The following C3orf20 variants were observed in gnomAD, a reference collection of about 807,000 sequenced individuals.
The protein encoded by C3orf20 is family with sequence similarity 149 member C, also known as uncharacterized protein C3orf20.
In C3orf20, 76 loss-of-function variants were observed where a neutral mutation model predicts 88.3. That is an observed-to-expected ratio of 0.86 (90% CI 0.72 to 1.04). The LOEUF is 1.04. Ranked by LOEUF, C3orf20 falls within the 50% of genes least tolerant of loss-of-function variation. The pLI is 0.00. For synonymous variants in C3orf20, 436 were observed against 437.4 expected, an observed-to-expected ratio of 1.00 and a Z score of 0.04; for missense variants, 1,056 against 1,123.3, an observed-to-expected ratio of 0.94 and a Z score of 0.86.
chr3:14,720,975 G>A lies in C3orf20; in HGVS notation c.1435-678G>A, dbSNP rs17040228. Among the ~76,000 whole-genome samples the A allele has an allele frequency of 1.6e-3, 244 of 152,326 alleles. 5 individuals are homozygous for A. In the East Asian group the frequency reaches 0.042, roughly 26 times the overall value. ...TAGACCACAGAGCTCTCAGTAAGGC[G>A]TGAGTTGTTATAAGGGCAACTCACT... On this transcript the variant is annotated intron_variant, in intron 9 of 16. Coordinates refer to ENST00000253697, the MANE Select transcript of C3orf20 (RefSeq NM_032137.5).
At position 14,772,965 on chromosome 3, in the gene C3orf20, C is replaced by T. The variant is rs2125051289; in HGVS notation, c.*90C>T. 1.1e-6 allele frequency: 1 copy of T among 939,182 alleles called. No individual in the cohort carries two copies. Among genetic ancestry groups the T allele is most frequent in the East Asian group, 2.5e-5 (1 of 40,596 alleles). 58.2% of individuals were successfully genotyped at this position (939,182 alleles called of 1,614,324 possible). A position where few individuals can be genotyped will look rare whatever the true frequency, so the allele number is the denominator to read the frequency against. ...CCAGCCCTGCCTCCCCGGTCTCCCA[C>T]CCTGTCCTCCAAGCTTCTATAATAA... On this transcript the variant is annotated 3_prime_UTR_variant, in exon 17 of 17. Transcript: ENST00000253697. The surrounding 1 kb of genome is among the most constrained non-coding windows in gnomAD (Gnocchi z 4.2).
chr3:14,766,629 C>T (rs1256052553), intron 15 of C3orf20, among the ~76,000 whole-genome samples: 2 of 152,210 alleles, frequency 1.3e-5, no homozygotes, highest in Admixed American at 6.5e-5. Context: ...TGCCAGTGAG[C>T]AGAGGTGCTG....
chr3:14,677,194 G>T (rs1326933073), intron 1 of C3orf20, among the ~76,000 whole-genome samples: 1 of 152,194 alleles, frequency 6.6e-6, no homozygotes, highest in Non-Finnish European at 1.5e-5. Context: ...CAGATAACCT[G>T]AGGAGGCTTA....
intron 1 of C3orf20, among the ~76,000 whole-genome samples, chr3:14,678,628 T>A (rs6442466): frequency 6.6e-6 from 1 of 152,126 alleles, no homozygotes; most frequent in Non-Finnish European, 1.5e-5. Flanking sequence ...AAATTTCTTA[T>A]ACATTTCATT....
At chr3:14,704,639 AC>A in intron 7 of C3orf20, 21 bp downstream of exon 7, 1 of 1,607,304 alleles carries the variant, frequency 6.2e-7, no homozygotes, top group Admixed American at 1.7e-5. Context: ...ATTTGGTACC[AC>A]CCTATCTCCC....
chr3:14,697,884 G>T (rs2033078550), intron 5 of C3orf20, among the ~76,000 whole-genome samples: 1 of 152,104 alleles, frequency 6.6e-6, no homozygotes, highest in Non-Finnish European at 1.5e-5. Context: ...CAAAGGACAT[G>T]AACTCATCCT....
Position 14,744,608 on chromosome 3 carries a change from G to A in C3orf20, c.1941-12763G>A, listed in dbSNP as rs560232819. 6.3e-4 allele frequency among the ~76,000 whole-genome samples: 95 copies of A among 151,966 alleles called. 1 individual carries two copies. Among genetic ancestry groups the A allele is most frequent in the African/African-American group, 2.1e-3 (85 of 41,304 alleles). ...TCACACTGCTGATAAAAACATACTC[G>A]AAACTGGGAATGAAAAAAGGTTAAT... On this transcript the variant is annotated intron_variant, in intron 12 of 16. Transcript: ENST00000253697.
chr3:14,734,687 A>G (rs2034648743), intron 12 of C3orf20, among the ~76,000 whole-genome samples: 2 of 152,100 alleles, frequency 1.3e-5, no homozygotes, highest in Admixed American at 1.3e-4. Context: ...GCGTTTTATA[A>G]ATGTCAGGTC....
In C3orf20 at chr3:14,704,456, CG is replaced by C; in HGVS notation, c.1001del (p.Gly334ValfsTer102). ...GCCCGCAAAGGAGACTCTCAGACCC[CG>C]GGTTTACATTACCCTCCCACTGCAG... ...MLARKGDSQT[P>X]GLHYPPTAGA... On this transcript the variant is annotated frameshift_variant, in exon 7 of 17. Transcript: ENST00000253697. LOFTEE classifies it high-confidence loss of function. The C allele has an allele frequency of 6.2e-7, 1 of 1,614,150 alleles. No individual in the cohort carries two copies. The highest frequency in any genetic ancestry group is 8.5e-7 in the Non-Finnish European group (1 of 1,180,018).
rs138642461 is a variant in C3orf20 at position 14,711,710 on chromosome 3, G to A, written c.1161-2297G>A. Among the ~76,000 whole-genome samples the A allele has an allele frequency of 2.0e-4, 28 of 136,996 alleles. No individual in the cohort carries two copies. The East Asian group carries it at 5.4e-3, about 27-fold the overall frequency. 89.9% of individuals were successfully genotyped at this position (136,996 alleles called of 152,430 possible). ...GAGTGCAGTGGTGCAATCTTGGCTC[G>A]TTGCAACCTCCACCTCCTGGGCTCA... is the stretch of plus-strand genomic sequence containing the variant. On this transcript the variant is annotated intron_variant, in intron 7 of 16. Transcript: ENST00000253697.
intron 5 of C3orf20, among the ~76,000 whole-genome samples, chr3:14,691,688 C>T (rs1189119454): frequency 6.6e-6 from 1 of 152,142 alleles, no homozygotes; most frequent in Non-Finnish European, 1.5e-5. Context: ...TATTTTGATA[C>T]AGGCACACAA....
chr3:14,716,301 A>G (rs775996873), intron 9 of C3orf20, among the ~76,000 whole-genome samples: 6 of 152,224 alleles, frequency 3.9e-5, no homozygotes, highest in Non-Finnish European at 7.3e-5. Context: ...GTAGACACAG[A>G]TTCAAGAACT....
rs373392001 is a variant in C3orf20 at position 14,728,524 on chromosome 3, G to C, written c.1776G>C (p.Arg592=). Residue 592 remains arginine (R), a synonymous_variant, in exon 12 of 17, where the codon CGG becomes CGC. Transcript: ENST00000253697. ...FKMRSRTHPE[R]LPKLSLYSGE... ...TGAGATCCAGAACTCATCCCGAGCG[G>C]CTCCCCAAGCTAAGTTTATACTCAG... is the stretch of plus-strand genomic sequence containing the variant. 1.2e-6 allele frequency: 2 copies of C among 1,614,192 alleles called. No individual in the cohort carries two copies. The highest frequency in any genetic ancestry group is 4.5e-5 in the East Asian group (2 of 44,890).
At chr3:14,748,252 G>A (rs904709505) in intron 12 of C3orf20, among the ~76,000 whole-genome samples, 8 of 151,842 alleles carry the variant, frequency 5.3e-5, no homozygotes, top group African/African-American at 1.5e-4. Flanking sequence ...TGATTTGTTG[G>A]CATACAATTG....
intron 4 of C3orf20, among the ~76,000 whole-genome samples, chr3:14,689,070 G>A (rs924067210): frequency 1.3e-5 from 2 of 152,008 alleles, no homozygotes; most frequent in Non-Finnish European, 2.9e-5. Context: ...AGGGATCATT[G>A]GAGCAGAGGT....
At chr3:14,735,767 G>A (rs2034689059) in intron 12 of C3orf20, among the ~76,000 whole-genome samples, 1 of 151,814 alleles carries the variant, frequency 6.6e-6, no homozygotes, top group Admixed American at 6.6e-5. Flanking sequence ...CTAATTTTTT[G>A]TATTTTTAGT....
At chr3:14,765,245 T>G (rs1254148814) in intron 15 of C3orf20, 1 of 152,310 alleles carries the variant, frequency 6.6e-6, no homozygotes, top group East Asian at 1.9e-4. Context: ...GCTGATCAGT[T>G]GTGCCCTTGA....
Position 14,728,470 on chromosome 3 carries a change from G to C in C3orf20, c.1722G>C (p.Lys574Asn), listed in dbSNP as rs144355189. ...TTACCATTGAATATCCCACCAAAAA[G>C]GAGGAGGAAGAATTTGTTCGGTTCA... ...GLFTIEYPTK[K>N]EEEEFVRFKM... Residue 574 changes from lysine (K) to asparagine (N), a missense_variant, in exon 12 of 17, where the codon AAG becomes AAC. By Grantham distance (94) the Lys-to-Asn change is moderately conservative. Coordinates refer to ENST00000253697, the MANE Select transcript of C3orf20 (RefSeq NM_032137.5). The C allele has an allele frequency of 9.3e-6, 15 of 1,614,050 alleles. No homozygotes were observed. Among genetic ancestry groups the C allele is most frequent in the Non-Finnish European group, 1.2e-5 (14 of 1,180,042 alleles).
chr3:14,739,696 A>G (rs1020479154), intron 12 of C3orf20, among the ~76,000 whole-genome samples: 5 of 152,228 alleles, frequency 3.3e-5, no homozygotes, highest in African/African-American at 4.8e-5. Flanking sequence ...GTACATTTAT[A>G]ATCTGTTGTT....
Sources: allele counts gnomAD v4.1 joint callset (sites outside exome capture counted in the v4.1 genomes callset), GRCh38; gene constraint gnomAD v4.1.1; non-coding constraint Gnocchi (gnomAD v3.1); transcripts MANE v1.5; gene names NCBI Gene and HGNC (gene_info 2026-07-23, HGNC 2026-07-21).